NTRK2: variants seen among roughly 807,000 people sequenced by gnomAD.
NTRK2 encodes neurotrophic receptor tyrosine kinase 2.
A neutral mutation model predicts 94.5 loss-of-function variants in NTRK2; 13 were observed. That is an observed-to-expected ratio of 0.14 (90% CI 0.09 to 0.22). The LOEUF (loss-of-function observed/expected upper bound fraction) is 0.22. Among genes scored for constraint, NTRK2 ranks in the 10% least tolerant of loss-of-function variants. NTRK2 has a pLI of 1.00. For missense variants in NTRK2, 639 were observed against 1,071.2 expected (o/e 0.60, Z 5.63); for synonymous variants, 372 against 407.4 (o/e 0.91, Z 1.05).
At chr9:84,781,487 A>G (rs148952522) in intron 12 of NTRK2, among the ~76,000 whole-genome samples, 1 of 152,198 alleles carries the variant, frequency 6.6e-6, no homozygotes, top group Admixed American at 6.5e-5. Context: ...TTACCCATTA[A>G]AGACCTAGCC....
At chr9:85,018,600 G>A (rs574020641) in intron 17 of NTRK2, among the ~76,000 whole-genome samples, 1 of 152,310 alleles carries the variant, frequency 6.6e-6, no homozygotes, top group African/African-American at 2.4e-5. Flanking sequence ...CAAAGTCCTG[G>A]GCACCTGGGG....
At chr9:84,980,005 A>G (rs1337137977) in intron 17 of NTRK2, among the ~76,000 whole-genome samples, 1 of 152,238 alleles carries the variant, frequency 6.6e-6, no homozygotes, top group Non-Finnish European at 1.5e-5. Flanking sequence ...AACTTGTGTA[A>G]GCACGGGAAA....
At chr9:84,782,970 A>G (rs535420478) in intron 12 of NTRK2, among the ~76,000 whole-genome samples, 2 of 152,164 alleles carry the variant, frequency 1.3e-5, no homozygotes, top group Non-Finnish European at 2.9e-5. Context: ...GAAGTGTAAT[A>G]TACAATACTT....
intron 2 of NTRK2, among the ~76,000 whole-genome samples, chr9:84,694,465 G>A (rs1018349660): frequency 5.9e-5 from 9 of 152,220 alleles, no homozygotes; most frequent in East Asian, 3.8e-4. Flanking sequence ...CTCATTTAGC[G>A]TTCTTTCCAT....
chr9:84,940,343 G>A (rs1243361360), intron 15 of NTRK2, among the ~76,000 whole-genome samples: 1 of 152,176 alleles, frequency 6.6e-6, no homozygotes, highest in Non-Finnish European at 1.5e-5. Context: ...CAGCCCTGGT[G>A]ACTGTCCCTT....
chr9:84,750,088 T>A (rs561162069), intron 11 of NTRK2, among the ~76,000 whole-genome samples: 92 of 152,112 alleles, frequency 6.0e-4, no homozygotes, highest in Admixed American at 1.9e-3. Context: ...TGGAGCAGGG[T>A]TCCTCAACCT....
intron 12 of NTRK2, among the ~76,000 whole-genome samples, chr9:84,789,684 C>T (rs550912443): frequency 8.5e-5 from 13 of 152,268 alleles, no homozygotes; most frequent in Admixed American, 5.9e-4. Flanking sequence ...TCACTATATG[C>T]GTCTCTGCAG....
intron 14 of NTRK2, among the ~76,000 whole-genome samples, chr9:84,931,877 A>C (rs1421412941): frequency 6.6e-6 from 1 of 152,156 alleles, no homozygotes; most frequent in African/African-American, 2.4e-5. Flanking sequence ...CAAGAATTAC[A>C]TTTGTGTCTT....
chr9:84,769,604 A>G (rs2066339906), intron 12 of NTRK2, among the ~76,000 whole-genome samples: 1 of 152,202 alleles, frequency 6.6e-6, no homozygotes, highest in African/African-American at 2.4e-5. Flanking sequence ...GAATATGCAC[A>G]TATGAAAGAG....
intron 4 of NTRK2, among the ~76,000 whole-genome samples, chr9:84,706,521 G>GTTATTTTTTT (rs2061083245): frequency 1.0e-5 from 1 of 95,336 alleles, no homozygotes; most frequent in African/African-American, 4.2e-5. Context: ...GTTATTTTTT[G>GTTATTTTTTT]TTTTTGTTTT....
intron 15 of NTRK2, 151 bp from the exon 16 acceptor site, chr9:84,948,311 A>G: frequency 1.3e-6 from 1 of 791,220 alleles, no homozygotes. Context: ...ATGCCTAAGG[A>G]GTTATTCCTC....
chr9:84,817,655 A>G (rs188472651), intron 12 of NTRK2, among the ~76,000 whole-genome samples: 63 of 152,352 alleles, frequency 4.1e-4, no homozygotes, highest in African/African-American at 1.4e-3. Flanking sequence ...TGAATTATCT[A>G]TTTAAAAATC....
At position 84,710,799 on chromosome 9, in the gene NTRK2, A is replaced by G. The variant is rs200213061; in HGVS notation, c.583+8A>G. The stretch of plus-strand genomic sequence containing the variant: ...TGCAGATACCCAATTGTGGTAATTT[A>G]TTTTTAAATCAATGTGTTCTAGTTG... On this transcript the variant is annotated splice_region_variant and intron_variant, in intron 6 of 18. Coordinates refer to ENST00000277120, the MANE Select transcript of NTRK2 (RefSeq NM_006180.6). The G allele has an allele frequency of 2.1e-5, 34 of 1,613,860 alleles. No homozygotes were observed. The highest frequency in any genetic ancestry group is 1.4e-5 in the Non-Finnish European group (17 of 1,179,882).
chr9:84,719,884 G>A (rs1412544664), intron 6 of NTRK2, among the ~76,000 whole-genome samples: 1 of 151,916 alleles, frequency 6.6e-6, no homozygotes, highest in Non-Finnish European at 1.5e-5. Flanking sequence ...GTCAGGGGTG[G>A]TGGTGTGTGC....
At chr9:84,911,794 C>T (rs2077243417) in intron 14 of NTRK2, among the ~76,000 whole-genome samples, 1 of 151,892 alleles carries the variant, frequency 6.6e-6, no homozygotes. Flanking sequence ...CTTTTCTCTG[C>T]TTGTTTTGGG....
At chr9:84,977,613 C>T (rs1440666057) in intron 17 of NTRK2, among the ~76,000 whole-genome samples, 1 of 152,180 alleles carries the variant, frequency 6.6e-6, no homozygotes, top group Non-Finnish European at 1.5e-5. Context: ...GGACAATTTG[C>T]AAATACAGAA....
chr9:84,975,715 A>G (rs1371582140), intron 17 of NTRK2, among the ~76,000 whole-genome samples: 1 of 152,038 alleles, frequency 6.6e-6, no homozygotes, highest in Non-Finnish European at 1.5e-5. Flanking sequence ...CAATTCCCAC[A>G]TTTCGTTAGA....
intron 10 of NTRK2, 66 bp downstream of exon 10, chr9:84,741,993 A>G (rs2063687481): frequency 7.3e-7 from 1 of 1,372,264 alleles, no homozygotes; most frequent in East Asian, 2.3e-5. Flanking sequence ...AAGTAAATCA[A>G]CTGAAAGAAG....
chr9:84,688,845 G>T (rs1489285363), intron 2 of NTRK2, among the ~76,000 whole-genome samples: 1 of 152,186 alleles, frequency 6.6e-6, no homozygotes, highest in Non-Finnish European at 1.5e-5. Context: ...TGGATTGATA[G>T]ATTAATTTTC....
Sources: gnomAD v4.1 joint callset for allele counts (sites outside exome capture counted in the v4.1 genomes callset) on GRCh38, gnomAD v4.1.1 for gene constraint, MANE v1.5 for transcripts, NCBI Gene and HGNC (gene_info 2026-07-23, HGNC 2026-07-21) for gene names.